VWA8: variants seen among roughly 807,000 people sequenced by gnomAD.
The protein encoded by VWA8 is von Willebrand factor A domain containing 8.
A neutral mutation model predicts 241.5 loss-of-function variants in VWA8; 221 were observed. That is an observed-to-expected ratio of 0.91 (90% CI 0.82 to 1.02). The LOEUF is 1.02. Among genes scored for constraint, VWA8 ranks in the 50% least tolerant of loss-of-function variants. The pLI is 0.00. For missense variants in VWA8, 2,322 were observed against 2,328.7 expected (o/e 1.00, Z 0.06); for synonymous variants, 852 against 827.1 (o/e 1.03, Z -0.52).
intron 16 of VWA8, among the ~76,000 whole-genome samples, chr13:41,814,966 T>C (rs2137978926): frequency 6.6e-6 from 1 of 151,980 alleles, no homozygotes; most frequent in East Asian, 1.9e-4. Context: ...AGAAGCCCTA[T>C]AAAGAATCTT....
At position 41,878,200 on chromosome 13, in the gene VWA8, CTTCT is replaced by C. The variant is rs747165288; in HGVS notation, c.1080+5183_1080+5186del. 5.1e-4 allele frequency among the ~76,000 whole-genome samples: 78 copies of C among 152,024 alleles called. 1 individual carries two copies. The highest frequency in any genetic ancestry group is 9.2e-4 in the Admixed American group (14 of 15,268). On this transcript the variant is annotated intron_variant, in intron 9 of 44. Transcript: ENST00000379310. ...TCTTAATTTACCATTATAATACATACTTCTATTTCTTAAGTAAACATTTTTTTCC... is the reference window on the plus strand; with the variant it reads ...TCTTAATTTACCATTATAATACATACATTTCTTAAGTAAACATTTTTTTCC...
intron 2 of VWA8, among the ~76,000 whole-genome samples, chr13:41,920,414 GA>G (rs1212585773): frequency 6.6e-6 from 1 of 152,100 alleles, no homozygotes; most frequent in Non-Finnish European, 1.5e-5. Context: ...AAAGCTAGCA[GA>G]AGGGAAGAAA....
chr13:41,701,338 T>C, intron 28 of VWA8, 54 bp downstream of exon 28: 1 of 1,476,538 alleles, frequency 6.8e-7, no homozygotes. Flanking sequence ...TTTTAATCCA[T>C]CTTTTAAAAA....
intron 42 of VWA8, 34 bp downstream of exon 42, chr13:41,587,478 G>A (rs1290754362): frequency 6.2e-7 from 1 of 1,612,822 alleles, no homozygotes; most frequent in Middle Eastern, 1.6e-4. Flanking sequence ...CATGGTCAAT[G>A]ATGCCTCTCA....
chr13:41,642,936 A>G (rs754759374), intron 37 of VWA8, among the ~76,000 whole-genome samples: 6 of 152,218 alleles, frequency 3.9e-5, no homozygotes, highest in Non-Finnish European at 7.3e-5. Flanking sequence ...CTCAAAAAAA[A>G]AAGTCCAAAC....
chr13:41,895,808 CATTT>C (rs1875072501), intron 4 of VWA8, among the ~76,000 whole-genome samples: 1 of 141,328 alleles, frequency 7.1e-6, no homozygotes, highest in Admixed American at 7.1e-5. Flanking sequence ...AGCCTCTTTT[CATTT>C]GTTTTACTTG....
rs1308012849 is a variant in VWA8 at position 41,755,740 on chromosome 13, A to G, written c.2426+5388T>C. 5.9e-5 allele frequency among the ~76,000 whole-genome samples: 9 copies of G among 151,954 alleles called. No individual in the cohort carries two copies. In the East Asian group the frequency reaches 1.5e-3, roughly 26 times the overall value. On this transcript the variant is annotated intron_variant, in intron 21 of 44. Coordinates refer to ENST00000379310, the MANE Select transcript of VWA8 (RefSeq NM_015058.2). Reference sequence around the variant, plus strand: ...ATGAATACCATCTTCTTTTTGCCCAATGAAAGATATTCAAATACAGAGCTA... The same window carrying G: ...ATGAATACCATCTTCTTTTTGCCCAGTGAAAGATATTCAAATACAGAGCTA...
Position 41,692,848 on chromosome 13 carries a change from G to C in VWA8, c.3675+14C>G. 6.3e-7 allele frequency: 1 copy of C among 1,586,512 alleles called. No individual in the cohort carries two copies. Among genetic ancestry groups the C allele is most frequent in the Admixed American group, 1.7e-5 (1 of 59,158 alleles). On this transcript the variant is annotated intron_variant, in intron 30 of 44. Transcript: ENST00000379310. ...ATCCTTGGCAATTTGTGGGACAAAT[G>C]TGGTGTTTCTTACAGCTTCTTCTTT...
intron 37 of VWA8, among the ~76,000 whole-genome samples, chr13:41,651,598 G>A (rs953386022): frequency 6.6e-6 from 1 of 152,186 alleles, no homozygotes. Context: ...AAATGAATGA[G>A]TGTAGCTGTG....
intron 37 of VWA8, among the ~76,000 whole-genome samples, chr13:41,621,457 A>G (rs886791346): frequency 2.0e-5 from 3 of 152,212 alleles, no homozygotes; most frequent in Admixed American, 6.5e-5. Flanking sequence ...CCAATTCTAA[A>G]AGAGAAGTTC....
At chr13:41,734,197 G>A (rs1265621110) in intron 21 of VWA8, among the ~76,000 whole-genome samples, 2 of 152,164 alleles carry the variant, frequency 1.3e-5, no homozygotes, top group African/African-American at 4.8e-5. Flanking sequence ...AATTAGCCAG[G>A]AGTGGTGGCA....
intron 20 of VWA8, among the ~76,000 whole-genome samples, chr13:41,763,344 G>T (rs930036209): frequency 4.0e-5 from 6 of 150,248 alleles, no homozygotes; most frequent in Non-Finnish European, 5.9e-5. Context: ...TAGATAGATA[G>T]ATAGATAAAG....
At chr13:41,598,189 T>C (rs889252823) in intron 40 of VWA8, among the ~76,000 whole-genome samples, 1 of 152,118 alleles carries the variant, frequency 6.6e-6, no homozygotes, top group African/African-American at 2.4e-5. Context: ...ATTTCCCTTA[T>C]GATTTTCAGG....
rs1250416373 is a variant in VWA8 at position 41,729,624 on chromosome 13, A to C, written c.2556T>G (p.Ala852=). ...HILVVDEADK[A]PTNVTCILKT... ...TTAAAATACACGTGACATTTGTTGG[A>C]GCTTTGTCAGCCTCATCTACTACCA... Residue 852 remains alanine, a synonymous_variant, in exon 23 of 45, where the codon GCT becomes GCG. Coordinates refer to ENST00000379310, the MANE Select transcript of VWA8 (RefSeq NM_015058.2). The C allele has an allele frequency of 1.4e-5, 23 of 1,613,358 alleles. No individual in the cohort carries two copies. The East Asian group carries it at 5.1e-4, about 36-fold the overall frequency.
chr13:41,650,540 G>T (rs935345345), intron 37 of VWA8, among the ~76,000 whole-genome samples: 35 of 152,160 alleles, frequency 2.3e-4, no homozygotes, highest in African/African-American at 8.2e-4. Context: ...AAACTCCAAA[G>T]GATTCTCCAG....
intron 36 of VWA8, among the ~76,000 whole-genome samples, chr13:41,672,425 A>G (rs541216225): frequency 6.6e-6 from 1 of 152,234 alleles, no homozygotes; most frequent in Admixed American, 6.5e-5. Context: ...ATAAATTCCT[A>G]TTGTCAGTGT....
chr13:41,830,022 C>T (rs1362133483), intron 14 of VWA8, among the ~76,000 whole-genome samples: 2 of 152,124 alleles, frequency 1.3e-5, no homozygotes, highest in East Asian at 3.9e-4. Flanking sequence ...GCGGGCGGAT[C>T]ACGAGGTCAG....
chr13:41,758,393 C>T (rs1372104223), intron 21 of VWA8, among the ~76,000 whole-genome samples: 14 of 5,808 alleles, frequency 2.4e-3, no homozygotes, highest in Non-Finnish European at 3.1e-3. Context: ...TATATATATA[C>T]GCTAGTATAT....
At chr13:41,686,100 A>G (rs778043028) in intron 34 of VWA8, among the ~76,000 whole-genome samples, 1 of 152,194 alleles carries the variant, frequency 6.6e-6, no homozygotes, top group Non-Finnish European at 1.5e-5. Flanking sequence ...TAGCAACAGT[A>G]TCATAAAACA....
Sources: allele counts gnomAD v4.1 joint callset (sites outside exome capture counted in the v4.1 genomes callset), GRCh38; gene constraint gnomAD v4.1.1; transcripts MANE v1.5; gene names NCBI Gene and HGNC (gene_info 2026-07-23, HGNC 2026-07-21).